TET2: variants seen among roughly 807,000 people sequenced by gnomAD.
TET2 encodes methylcytosine dioxygenase TET2.
In TET2, 299 loss-of-function variants were observed where a neutral mutation model predicts 142.9. That is an observed-to-expected ratio of 2.09 (90% CI 1.90 to 2.30). The LOEUF is 2.30. Ranked by LOEUF, TET2 falls within the 30% of genes most tolerant of loss-of-function variation. TET2 has a pLI of 0.00. For synonymous variants in TET2, 819 were observed against 849.0 expected (o/e 0.96, Z 0.61); for missense variants, 2,418 against 2,378.0 (o/e 1.02, Z -0.35).
At position 105,243,719 on chromosome 4, in the gene TET2, T is replaced by TACCGAGACG. The variant is rs1243122425; in HGVS notation, c.3745_3753dup (p.Thr1249_Thr1251dup). The TACCGAGACG allele has an allele frequency of 6.4e-7, 1 of 1,551,386 alleles. No individual in the cohort carries two copies. The highest frequency in any genetic ancestry group is 2.4e-5 in the East Asian group (1 of 40,928). The stretch of plus-strand genomic sequence containing the variant: ...TGGCTGACAAACTCTACTCGGAGCT[T>TACCGAGACG]ACCGAGACGCTGAGGAAATACGGCA... On this transcript the variant is annotated inframe_insertion, in exon 6 of 11. Coordinates refer to ENST00000380013, the MANE Select transcript of TET2 (RefSeq NM_001127208.3).
intron 2 of TET2, among the ~76,000 whole-genome samples, chr4:105,223,749 G>T (rs1295120593): frequency 6.6e-6 from 1 of 152,080 alleles, no homozygotes; most frequent in Non-Finnish European, 1.5e-5. Flanking sequence ...TCTTTACTCA[G>T]TGTTTTTCAT....
At position 105,235,636 on chromosome 4, in the gene TET2, T is replaced by C. The variant is rs1342587562; in HGVS notation, c.1694T>C (p.Ile565Thr). ...CAGCACTATCTGAAACCAGGATGGA[T>C]TGAATTGAAGGCCCCTCGTTTTCAC... is the stretch of plus-strand genomic sequence containing the variant. ...PTQHYLKPGW[I>T]ELKAPRFHQA... Residue 565 changes from isoleucine to threonine, a missense_variant, in exon 3 of 11, where the codon ATT becomes ACT. Transcript: ENST00000380013. 2.5e-6 allele frequency: 4 copies of C among 1,614,144 alleles called. No individual in the cohort carries two copies. The highest frequency in any genetic ancestry group is 1.7e-4 in the Middle Eastern group (1 of 6,060).
At chr4:105,270,954 G>T (rs571235770) in intron 9 of TET2, among the ~76,000 whole-genome samples, 2 of 152,104 alleles carry the variant, frequency 1.3e-5, no homozygotes, top group South Asian at 4.1e-4. Flanking sequence ...ATTTGAAGAA[G>T]CTGGTGTGAA....
rs1320325510 is a variant in TET2, at chr4:105,237,343, G to C, written c.3401G>C (p.Arg1134Thr). 3.1e-6 allele frequency: 5 copies of C among 1,614,018 alleles called. No homozygotes were observed. Among genetic ancestry groups the C allele is most frequent in the Non-Finnish European group, 4.2e-6 (5 of 1,180,000 alleles). ...VKTQYDFPSC[R>T]CVEQIIEKDE... ...ACTCAATATGATTTCCCATCTTGCA[G>C]ATGTGTAGGTAAGTGCCAGAAATGT... is the stretch of plus-strand genomic sequence containing the variant. The change falls in exon 3 of 11, where the codon AGA (arginine) becomes ACA (threonine). Residue 1134 changes from arginine (R) to threonine (T), a missense_variant. Physicochemically the swap from Arg to Thr is moderately conservative, Grantham distance 71. Coordinates refer to ENST00000380013, the MANE Select transcript of TET2 (RefSeq NM_001127208.3).
intron 2 of TET2, among the ~76,000 whole-genome samples, chr4:105,219,830 T>A (rs1727710313): frequency 6.6e-6 from 1 of 152,148 alleles, no homozygotes; most frequent in African/African-American, 2.4e-5. Flanking sequence ...CATTATATAG[T>A]ATTTAATAGG....
At chr4:105,256,959 G>C (rs140726137) in intron 6 of TET2, among the ~76,000 whole-genome samples, 4 of 152,064 alleles carry the variant, frequency 2.6e-5, no homozygotes, top group African/African-American at 7.2e-5. Flanking sequence ...ATAAAATGCT[G>C]TAGTCTTACT....
intron 1 of TET2, among the ~76,000 whole-genome samples, chr4:105,170,353 G>T (rs1724393549): frequency 6.6e-6 from 1 of 152,014 alleles, no homozygotes; most frequent in Admixed American, 6.6e-5. Context: ...TTCTAAAATG[G>T]CAATGACTAT....
chr4:105,272,752 A>G lies in TET2; in HGVS notation c.4371A>G (p.Leu1457=), dbSNP rs1731028685. Residue 1457 remains leucine, a synonymous_variant, in exon 10 of 11, where the codon TTA becomes TTG. Transcript: ENST00000380013. ...CTTTTCGGCGAAAAGTCAGGATGTT[A>G]GCAGAGCCAGTCAAGACTTGCCGAC... The part of the protein sequence containing the change: ...LSSFRRKVRM[L]AEPVKTCRQR... 5 of 1,551,564 alleles carry G rather than the reference A, an allele frequency of 3.2e-6. No homozygotes were observed. Among genetic ancestry groups the G allele is most frequent in the African/African-American group, 1.4e-5 (1 of 73,024 alleles).
At chr4:105,155,957 GT>G (rs1431810290) in intron 1 of TET2, among the ~76,000 whole-genome samples, 1 of 152,184 alleles carries the variant, frequency 6.6e-6, no homozygotes, top group East Asian at 1.9e-4. Context: ...TGTAGTGATG[GT>G]TATGGAAAGC....
rs1731300803 is a variant in TET2 at position 105,278,163 on chromosome 4, AATATATACATAT to A, written c.*1652_*1663del. 8.6e-6 allele frequency: 1 copy of A among 116,730 alleles called. No individual in the cohort carries two copies. The highest frequency in any genetic ancestry group is 5.6e-5 in the African/African-American group (1 of 17,968). The allele number at this position is 116,730 out of a possible 1,614,324, so 7.2% of individuals were successfully genotyped here. A position where few individuals can be genotyped will look rare whatever the true frequency, so the allele number is the denominator to read the frequency against. The stretch of plus-strand genomic sequence containing the variant: ...GTATTTTAGTACTGTAAAAAAATTA[AATATATACATAT>A]ATATATATATATATATATATATATA... On this transcript the variant is annotated 3_prime_UTR_variant, in exon 11 of 11. Transcript: ENST00000380013.
chr4:105,249,874 T>G (rs1324136779), intron 6 of TET2, among the ~76,000 whole-genome samples: 1 of 152,234 alleles, frequency 6.6e-6, no homozygotes. Flanking sequence ...ACTTTGATAA[T>G]GTCCTTAAAG....
At position 105,236,326 on chromosome 4, in the gene TET2, G is replaced by A; in HGVS notation, c.2384G>A (p.Ser795Asn). Residue 795 changes from serine to asparagine, a missense_variant, in exon 3 of 11, where the codon AGC becomes AAC. Coordinates refer to ENST00000380013, the MANE Select transcript of TET2 (RefSeq NM_001127208.3). Reference sequence around the variant, plus strand: ...GGTGAAAATCAGTATTCAAAATCAAGCGAGTTCGAGACTCATAATGTCCAA... The same window carrying A: ...GGTGAAAATCAGTATTCAAAATCAAACGAGTTCGAGACTCATAATGTCCAA... Reference protein sequence around the residue: ...FHGENQYSKSSEFETHNVQMG... With the variant: ...FHGENQYSKSNEFETHNVQMG... 5 of 1,614,026 alleles carry A rather than the reference G, an allele frequency of 3.1e-6. No individual in the cohort carries two copies. The highest frequency in any genetic ancestry group is 4.2e-6 in the Non-Finnish European group (5 of 1,180,014).
intron 9 of TET2, among the ~76,000 whole-genome samples, chr4:105,270,011 AGCATGGGAAAGATCT>A (rs1730875623): frequency 6.6e-6 from 1 of 152,218 alleles, no homozygotes; most frequent in South Asian, 2.1e-4. Context: ...TCCTGAGAAC[AGCATGGGAAAGATCT>A]GCCCCCATGA....
At chr4:105,218,272 TC>T in intron 2 of TET2, among the ~76,000 whole-genome samples, 2 of 152,036 alleles carry the variant, frequency 1.3e-5, no homozygotes, top group Admixed American at 1.3e-4. Flanking sequence ...TATTGGCCAA[TC>T]CAGTGTTTCT....
chr4:105,178,220 A>G (rs1302098186), intron 1 of TET2, among the ~76,000 whole-genome samples: 10 of 152,224 alleles, frequency 6.6e-5, no homozygotes, highest in African/African-American at 2.4e-4. Flanking sequence ...ATTTGAGTGG[A>G]TAAACTGTGG....
chr4:105,262,027 AT>A (rs987016261), intron 8 of TET2, among the ~76,000 whole-genome samples, 179 bp downstream of exon 8: 60 of 151,882 alleles, frequency 4.0e-4, no homozygotes, highest in Admixed American at 1.1e-3. Flanking sequence ...ACAAAAGTAC[AT>A]TTTTTTTGTC....
In TET2 at chr4:105,269,662, G is replaced by GTCC; in HGVS notation, c.4098_4100dup (p.Pro1367dup). On this transcript the variant is annotated inframe_insertion, in exon 9 of 11. Coordinates refer to ENST00000380013, the MANE Select transcript of TET2 (RefSeq NM_001127208.3). ...TGCCGTCTGGGTCTGAAGGAAGGCC[G>GTCC]TCCATTCTCAGGGGTCACTGCATGT... The GTCC allele has an allele frequency of 6.4e-7, 1 of 1,551,572 alleles. No homozygotes were observed. Among genetic ancestry groups the GTCC allele is most frequent in the Non-Finnish European group, 8.7e-7 (1 of 1,146,938 alleles).
chr4:105,272,529 G>A, intron 9 of TET2, 35 bp from the exon 10 acceptor site: 1 of 1,388,082 alleles, frequency 7.2e-7, no homozygotes, highest in Non-Finnish European at 9.6e-7. Flanking sequence ...TTTGGGACCT[G>A]TAGTTGAGGC....
intron 6 of TET2, among the ~76,000 whole-genome samples, chr4:105,245,984 C>T (rs578097206): frequency 1.1e-4 from 16 of 152,164 alleles, no homozygotes; most frequent in African/African-American, 3.9e-4. Flanking sequence ...TAACATAGAT[C>T]TCTAATATTT....
Sources: allele counts gnomAD v4.1 joint callset (sites outside exome capture counted in the v4.1 genomes callset), GRCh38; gene constraint gnomAD v4.1.1; transcripts MANE v1.5; gene names NCBI Gene and HGNC (gene_info 2026-07-23, HGNC 2026-07-21).